The following CCDC60 variants were observed in gnomAD, a reference collection of about 807,000 sequenced individuals.
CCDC60 encodes the protein coiled-coil domain-containing protein 60.
Under a neutral mutation model 63.5 loss-of-function variants are expected in CCDC60, and 54 were observed. The ratio of observed to expected loss-of-function variants is 0.85; its 90% CI spans 0.68 to 1.07. CCDC60 has a LOEUF of 1.07. Among genes scored for constraint, CCDC60 ranks in the 50% least tolerant of loss-of-function variants. The probability of loss-of-function intolerance (pLI) is 0.00; values close to 1 mark genes in which losing one functional copy is unlikely to be tolerated. For missense variants in CCDC60, 651 were observed against 684.3 expected (o/e 0.95, Z 0.54); for synonymous variants, 206 against 238.8 (o/e 0.86, Z 1.27).
At chr12:119,507,503 C>T (rs1313725871) in intron 7 of CCDC60, among the ~76,000 whole-genome samples, 1 of 131,104 alleles carries the variant, frequency 7.6e-6, no homozygotes, top group Non-Finnish European at 1.6e-5. Context: ...TACATATATA[C>T]ACACATATAT....
At chr12:119,422,164 G>C (rs768589246) in intron 1 of CCDC60, among the ~76,000 whole-genome samples, 4 of 152,162 alleles carry the variant, frequency 2.6e-5, no homozygotes, top group Admixed American at 2.0e-4. Flanking sequence ...AAAGAACGGA[G>C]TCATCACCGG....
chr12:119,364,934 G>C (rs2136169664), intron 1 of CCDC60, among the ~76,000 whole-genome samples: 2 of 152,246 alleles, frequency 1.3e-5, no homozygotes, highest in Middle Eastern at 6.8e-3. Flanking sequence ...TGTGAAGATG[G>C]AGACAGGCTC....
chr12:119,472,393 C>T (rs2136328347), intron 3 of CCDC60, among the ~76,000 whole-genome samples: 1 of 152,280 alleles, frequency 6.6e-6, no homozygotes, highest in African/African-American at 2.4e-5. Context: ...AAATGCTGCT[C>T]TCTCCGAATA....
chr12:119,400,038 G>C (rs1214036896), intron 1 of CCDC60, among the ~76,000 whole-genome samples: 3 of 149,956 alleles, frequency 2.0e-5, no homozygotes, highest in Admixed American at 6.7e-5. Flanking sequence ...TAGCCTACAG[G>C]TTGGTTTCCT....
intron 1 of CCDC60, among the ~76,000 whole-genome samples, chr12:119,373,039 T>C (rs572125569): frequency 6.6e-6 from 1 of 152,212 alleles, no homozygotes; most frequent in South Asian, 2.1e-4. Context: ...ATTATGATGA[T>C]TGTAAGTGAA....
chr12:119,472,611 C>T (rs1031455433), intron 3 of CCDC60, among the ~76,000 whole-genome samples: 11 of 134,498 alleles, frequency 8.2e-5, no homozygotes, highest in East Asian at 2.3e-4. Flanking sequence ...TATGGAATCT[C>T]GCTCTGTTGC....
intron 4 of CCDC60, chr12:119,479,901 C>A (rs964864590): frequency 7.9e-5 from 12 of 151,892 alleles, no homozygotes; most frequent in African/African-American, 2.7e-4. Flanking sequence ...ATGGCCTCTA[C>A]CCACTAGATA....
At chr12:119,413,437 G>A (rs1200232661) in intron 1 of CCDC60, among the ~76,000 whole-genome samples, 3 of 152,146 alleles carry the variant, frequency 2.0e-5, no homozygotes, top group Non-Finnish European at 2.9e-5. Flanking sequence ...CGGCCCTTAA[G>A]GCATCGCGGG....
intron 1 of CCDC60, among the ~76,000 whole-genome samples, chr12:119,374,426 A>T (rs986644710): frequency 1.3e-5 from 2 of 152,222 alleles, no homozygotes; most frequent in Admixed American, 1.3e-4. Context: ...GGTAGTAAGT[A>T]TGAAGCTAGG....
At chr12:119,386,860 C>CAA (rs1187739394) in intron 1 of CCDC60, among the ~76,000 whole-genome samples, 1 of 152,108 alleles carries the variant, frequency 6.6e-6, no homozygotes, top group African/African-American at 2.4e-5. Context: ...TTTGGAAGGT[C>CAA]AAATTCTTAT....
intron 1 of CCDC60, among the ~76,000 whole-genome samples, chr12:119,336,797 G>A (rs1016234226): frequency 1.2e-4 from 18 of 152,230 alleles, no homozygotes; most frequent in African/African-American, 3.4e-4. Flanking sequence ...ATGAAACAGT[G>A]TTGTTGATTT....
rs1951694330 is a variant in CCDC60 at position 119,495,270 on chromosome 12, G to A, written c.558-4808G>A. On this transcript the variant is annotated intron_variant, in intron 5 of 13. Transcript: ENST00000327554. Reference sequence around the variant, plus strand: ...AATCCCAAAGTCTTTAATCAACTTAGAGAATAATCTGATGCCCCGCCTCGA... The same window carrying A: ...AATCCCAAAGTCTTTAATCAACTTAAAGAATAATCTGATGCCCCGCCTCGA... 2.0e-5 allele frequency among the ~76,000 whole-genome samples: 3 copies of A among 152,110 alleles called. No homozygotes were observed. The South Asian group carries it at 6.2e-4, about 32-fold the overall frequency.
intron 3 of CCDC60, among the ~76,000 whole-genome samples, chr12:119,476,697 A>G (rs1593143341): frequency 6.6e-6 from 1 of 152,306 alleles, no homozygotes; most frequent in Middle Eastern, 3.4e-3. Context: ...CAAAAGTCTC[A>G]GCAGGGGTTC....
chr12:119,335,128 A>C lies in CCDC60; in HGVS notation c.-49A>C. On this transcript the variant is annotated 5_prime_UTR_variant, in exon 1 of 14. Transcript: ENST00000327554. ...TAACTACTGAAGTAGAAGATTCTGG[A>C]AAAATCCTTGTCTTGGGGGCACAGG... 1 of 1,503,610 alleles carries C rather than the reference A, an allele frequency of 6.7e-7. No homozygotes were observed. Among genetic ancestry groups the C allele is most frequent in the Non-Finnish European group, 9.1e-7 (1 of 1,100,178 alleles). The allele number at this position is 1,503,610 out of a possible 1,614,324, so 93.1% of individuals were successfully genotyped here. A position where few individuals can be genotyped will look rare whatever the true frequency, so the allele number is the denominator to read the frequency against.
At chr12:119,454,784 C>T (rs1950694284) in intron 2 of CCDC60, among the ~76,000 whole-genome samples, 1 of 152,198 alleles carries the variant, frequency 6.6e-6, no homozygotes, top group Non-Finnish European at 1.5e-5. Flanking sequence ...AATTACCTCC[C>T]TCACATAAAA....
intron 6 of CCDC60, among the ~76,000 whole-genome samples, chr12:119,503,306 C>G (rs1196534839): frequency 6.6e-6 from 1 of 152,198 alleles, no homozygotes; most frequent in Non-Finnish European, 1.5e-5. Context: ...CTGATATCAT[C>G]TCTCCCCAGA....
intron 7 of CCDC60, among the ~76,000 whole-genome samples, chr12:119,513,069 T>A (rs982150424): frequency 2.6e-5 from 4 of 152,166 alleles, no homozygotes; most frequent in Admixed American, 2.6e-4. Context: ...CTGTGATGTT[T>A]CAGCACCGTG....
intron 2 of CCDC60, among the ~76,000 whole-genome samples, chr12:119,431,348 A>C (rs1950224949): frequency 6.6e-6 from 1 of 152,226 alleles, no homozygotes; most frequent in Non-Finnish European, 1.5e-5. Flanking sequence ...ATGAAATCAC[A>C]GGGAACTGAA....
At chr12:119,510,632 A>T (rs983148268) in intron 7 of CCDC60, among the ~76,000 whole-genome samples, 1 of 152,188 alleles carries the variant, frequency 6.6e-6, no homozygotes, top group Non-Finnish European at 1.5e-5. Flanking sequence ...TTTTGTACAG[A>T]TTAAAGAAGA....
Sources: gnomAD v4.1 joint callset for allele counts (sites outside exome capture counted in the v4.1 genomes callset) on GRCh38, gnomAD v4.1.1 for gene constraint, MANE v1.5 for transcripts, NCBI Gene and HGNC (gene_info 2026-07-23, HGNC 2026-07-21) for gene names.